Variants in TBC1D5 observed in about 807,000 individuals in gnomAD.
TBC1D5 encodes TBC1 domain family member 5, also known as TBC1 domain family, member 5.
In TBC1D5, 75 loss-of-function variants were observed where a neutral mutation model predicts 100.3. The ratio of observed to expected loss-of-function variants is 0.75; its 90% CI spans 0.62 to 0.91. The LOEUF (loss-of-function observed/expected upper bound fraction) is 0.91, where lower values mean the gene tolerates loss of function less well. Ranked by LOEUF, TBC1D5 falls within the 40% of genes least tolerant of loss-of-function variation. TBC1D5 has a pLI of 0.00. For synonymous variants in TBC1D5, 323 were observed against 325.6 expected (o/e 0.99, Z 0.09); for missense variants, 910 against 942.4 (o/e 0.97, Z 0.45).
intron 17 of TBC1D5, among the ~76,000 whole-genome samples, chr3:17,227,467 A>T (rs2075013344): frequency 6.6e-6 from 1 of 152,074 alleles, no homozygotes; most frequent in Non-Finnish European, 1.5e-5. Flanking sequence ...CAATTATCAA[A>T]TTTTTTCTAA....
At chr3:17,185,751 A>C (rs2068967403) in intron 18 of TBC1D5, among the ~76,000 whole-genome samples, 1 of 152,138 alleles carries the variant, frequency 6.6e-6, no homozygotes. Context: ...CTAGACAATG[A>C]TAATCTCTTA....
chr3:17,618,246 T>C (rs1309576491), intron 2 of TBC1D5, among the ~76,000 whole-genome samples: 2 of 152,206 alleles, frequency 1.3e-5, no homozygotes, highest in African/African-American at 4.8e-5. Flanking sequence ...ACAGCAATTA[T>C]TGCTGCCTGA....
chr3:17,163,533 G>C (rs1250981273), intron 21 of TBC1D5, among the ~76,000 whole-genome samples: 1 of 152,138 alleles, frequency 6.6e-6, no homozygotes, highest in East Asian at 1.9e-4. Context: ...TACACAATTA[G>C]AAAAGTTTTC....
intron 1 of TBC1D5, among the ~76,000 whole-genome samples, chr3:17,719,915 C>T (rs571925844): frequency 3.9e-5 from 6 of 152,180 alleles, no homozygotes; most frequent in African/African-American, 9.6e-5. Flanking sequence ...AATATATCAA[C>T]TTAGTATAAT....
chr3:17,381,066 G>C (rs984690657), intron 9 of TBC1D5, among the ~76,000 whole-genome samples: 1 of 152,020 alleles, frequency 6.6e-6, no homozygotes, highest in Admixed American at 6.6e-5. Flanking sequence ...TTTTAAACAT[G>C]TACAGGGAGT....
At chr3:17,412,337 A>G (rs1031846072) in intron 4 of TBC1D5, among the ~76,000 whole-genome samples, 1 of 152,168 alleles carries the variant, frequency 6.6e-6, no homozygotes, top group Admixed American at 6.5e-5. Flanking sequence ...AGGATATAAA[A>G]TAACAGTAGC....
intron 4 of TBC1D5, among the ~76,000 whole-genome samples, chr3:17,422,146 T>C (rs987808549): frequency 7.9e-5 from 12 of 152,082 alleles, no homozygotes; most frequent in African/African-American, 1.9e-4. Context: ...CAATATTCTG[T>C]TTTTGTTTTT....
chr3:17,179,168 T>C lies in TBC1D5; in HGVS notation c.1852+5941A>G, dbSNP rs181949863. Among the ~76,000 whole-genome samples the C allele has an allele frequency of 2.5e-3, 386 of 152,330 alleles. 1 individual carries two copies. Among genetic ancestry groups the C allele is most frequent in the Non-Finnish European group, 3.9e-3 (268 of 68,028 alleles). On this transcript the variant is annotated intron_variant, in intron 19 of 21. Transcript: ENST00000253692. ...AGGTGAATTGTATCTTTTCCTCCTA[T>C]AGAGGACTCTGCTACCCGCAATAAA...
intron 2 of TBC1D5, among the ~76,000 whole-genome samples, chr3:17,532,023 G>GA (rs1473084171): frequency 1.3e-5 from 2 of 152,142 alleles, no homozygotes; most frequent in Non-Finnish European, 2.9e-5. Context: ...AACAGCAAAA[G>GA]AAACTACCGT....
At chr3:17,161,200 C>T (rs1406136337) in exon 22 of TBC1D5, 1 of 1,614,198 alleles carries the variant, frequency 6.2e-7, no homozygotes, top group Non-Finnish European at 8.5e-7. Context: ...CTTTGGAAAT[C>T]AGGATGAAGT....
intron 16 of TBC1D5, among the ~76,000 whole-genome samples, chr3:17,242,329 T>A (rs146281684): frequency 6.6e-6 from 1 of 152,174 alleles, no homozygotes. Flanking sequence ...TCTTCCTCTA[T>A]GTTTATTTTT....
chr3:17,613,864 T>G (rs1001628638), intron 2 of TBC1D5, among the ~76,000 whole-genome samples: 7 of 152,258 alleles, frequency 4.6e-5, no homozygotes, highest in Non-Finnish European at 8.8e-5. Context: ...GTAGTTTCTT[T>G]TGCTATGCAG....
intron 14 of TBC1D5, among the ~76,000 whole-genome samples, chr3:17,303,832 T>C (rs1015367788): frequency 8.3e-5 from 10 of 120,528 alleles, no homozygotes; most frequent in South Asian, 3.1e-4. Context: ...ACAATCTACC[T>C]CTTTTTTTTT....
At chr3:17,736,250 C>A (rs1324183828) in intron 1 of TBC1D5, among the ~76,000 whole-genome samples, 3 of 151,916 alleles carry the variant, frequency 2.0e-5, no homozygotes, top group Admixed American at 2.0e-4. Flanking sequence ...CAGAGTGAGA[C>A]CTTGTCTCTA....
At chr3:17,679,018 A>G (rs1163336582) in intron 1 of TBC1D5, among the ~76,000 whole-genome samples, 1 of 151,152 alleles carries the variant, frequency 6.6e-6, no homozygotes, top group Non-Finnish European at 1.5e-5. Flanking sequence ...CAAGTCTGAG[A>G]GTAAAATAGA....
intron 14 of TBC1D5, among the ~76,000 whole-genome samples, chr3:17,295,518 C>A (rs909137732): frequency 6.6e-6 from 1 of 152,140 alleles, no homozygotes; most frequent in African/African-American, 2.4e-5. Flanking sequence ...TTACTTTCTC[C>A]AGCAGGTACA....
At chr3:17,581,963 ACCT>A (rs1286711930) in intron 2 of TBC1D5, among the ~76,000 whole-genome samples, 1 of 151,206 alleles carries the variant, frequency 6.6e-6, no homozygotes, top group Non-Finnish European at 1.5e-5. Context: ...TCACTCTCTC[ACCT>A]CCTTCAGGTC....
chr3:17,668,015 A>C (rs1432482421), intron 1 of TBC1D5, among the ~76,000 whole-genome samples: 1 of 151,612 alleles, frequency 6.6e-6, no homozygotes, highest in African/African-American at 2.4e-5. Context: ...TTGACCTTTG[A>C]CTGTGTTATA....
chr3:17,248,116 C>A (rs551788643), intron 16 of TBC1D5, among the ~76,000 whole-genome samples: 1 of 152,052 alleles, frequency 6.6e-6, no homozygotes, highest in South Asian at 2.1e-4. Flanking sequence ...CTCAGCCTTG[C>A]GAGCAACTGG....
Sources: allele counts gnomAD v4.1 joint callset (sites outside exome capture counted in the v4.1 genomes callset), GRCh38; gene constraint gnomAD v4.1.1; transcripts MANE v1.5; gene names NCBI Gene and HGNC (gene_info 2026-07-23, HGNC 2026-07-21).